PHC3: variants seen among roughly 807,000 people sequenced by gnomAD.
The protein encoded by PHC3 is polyhomeotic homolog 3.
Under a neutral mutation model 107.4 loss-of-function variants are expected in PHC3, and 13 were observed. The observed-to-expected ratio is 0.12, with a 90% confidence interval of 0.08 to 0.19. The LOEUF is 0.19. PHC3 is among the 10% of genes least tolerant of loss of function. The probability of loss-of-function intolerance (pLI) is 1.00; values close to 1 mark genes in which losing one functional copy is unlikely to be tolerated. For missense variants in PHC3, 992 were observed against 1,210.9 expected, an observed-to-expected ratio of 0.82 and a Z score of 2.68; for synonymous variants, 456 against 427.4, an observed-to-expected ratio of 1.07 and a Z score of -0.83.
rs1731483477 is a variant in PHC3, at chr3:170,181,725, T to C, written c.-10A>G. 1 of 1,612,690 alleles carries C rather than the reference T, an allele frequency of 6.2e-7. No homozygotes were observed. ...ACTCCGCTTCCGCCATCTTCTCTCC[T>C]CCATCACTAACATGGGCTGCGCATG... On this transcript the variant is annotated 5_prime_UTR_variant, in exon 1 of 15. Coordinates refer to ENST00000495893, the MANE Select transcript of PHC3 (RefSeq NM_024947.4).
intron 12 of PHC3, among the ~76,000 whole-genome samples, chr3:170,105,591 G>GT (rs1387004274): frequency 6.6e-6 from 1 of 152,074 alleles, no homozygotes; most frequent in African/African-American, 2.4e-5. Context: ...CATATAATCT[G>GT]TAACGATCAA....
chr3:170,131,369 T>C (rs988862126), intron 7 of PHC3, among the ~76,000 whole-genome samples: 2 of 152,194 alleles, frequency 1.3e-5, no homozygotes, highest in Admixed American at 6.5e-5. Context: ...GTGTCTCTCA[T>C]TCATACTTAC....
intron 7 of PHC3, among the ~76,000 whole-genome samples, chr3:170,130,339 G>A (rs193263089): frequency 5.9e-5 from 9 of 152,068 alleles, no homozygotes; most frequent in Admixed American, 5.2e-4. Flanking sequence ...CAACTAATAG[G>A]GTAATTACTT....
At chr3:170,128,200 T>C (rs1721667344) in intron 8 of PHC3, 1 of 239,282 alleles carries the variant, frequency 4.2e-6, no homozygotes, top group Non-Finnish European at 7.4e-6. Flanking sequence ...CTACATCATA[T>C]AAGCATATCT....
chr3:170,111,305 G>A (rs201441032), intron 11 of PHC3, among the ~76,000 whole-genome samples: 1 of 95,420 alleles, frequency 1.0e-5, no homozygotes, highest in Non-Finnish European at 2.2e-5. Flanking sequence ...AAGGAAGGAA[G>A]GAAGGAAGGA....
At chr3:170,164,575 C>T (rs1728432083) in intron 4 of PHC3, among the ~76,000 whole-genome samples, 1 of 152,070 alleles carries the variant, frequency 6.6e-6, no homozygotes, top group African/African-American at 2.4e-5. Flanking sequence ...ACTAAAAACT[C>T]TTATGTTACA....
intron 10 of PHC3, among the ~76,000 whole-genome samples, chr3:170,114,838 A>C (rs1055652091): frequency 5.9e-5 from 9 of 152,238 alleles, no homozygotes; most frequent in African/African-American, 2.2e-4. Flanking sequence ...TATTGGACAG[A>C]AACTTCTACA....
At chr3:170,107,549 G>A (rs1318120898) in intron 11 of PHC3, among the ~76,000 whole-genome samples, 1 of 152,130 alleles carries the variant, frequency 6.6e-6, no homozygotes, top group Non-Finnish European at 1.5e-5. Flanking sequence ...TTTGAGACCA[G>A]TGTGGGCAGC....
intron 5 of PHC3, among the ~76,000 whole-genome samples, chr3:170,146,877 C>CTTTTTTTTTTTTTTT (rs1035803336): frequency 4.1e-5 from 4 of 97,996 alleles, no homozygotes; most frequent in East Asian, 3.0e-4. Flanking sequence ...TCTATTTTTT[C>CTTTTTTTTTTTTTTT]TTTTTTTTTT....
intron 4 of PHC3, among the ~76,000 whole-genome samples, chr3:170,160,483 A>G (rs932864395): frequency 5.9e-5 from 9 of 152,234 alleles, no homozygotes; most frequent in East Asian, 1.9e-4. Context: ...GACAATACAC[A>G]TATTTGCTAT....
chr3:170,098,009 C>T (rs374996782), intron 14 of PHC3, among the ~76,000 whole-genome samples: 22 of 152,286 alleles, frequency 1.4e-4, no homozygotes, highest in African/African-American at 5.1e-4. Context: ...CTTGACTTGA[C>T]TATCACTGGG....
chr3:170,149,387 C>T lies in PHC3; in HGVS notation c.415-143G>A, dbSNP rs1050544881. 7.6e-6 allele frequency: 5 copies of T among 657,790 alleles called. No individual in the cohort carries two copies. In the South Asian group the frequency reaches 1.0e-4, roughly 14 times the overall value. 40.7% of individuals were successfully genotyped at this position (657,790 alleles called of 1,614,324 possible). A position where few individuals can be genotyped will look rare whatever the true frequency, so the allele number is the denominator to read the frequency against. On this transcript the variant is annotated intron_variant, in intron 4 of 14. Transcript: ENST00000495893. ...GGAGAAGCCTTTATCTTTGACAGAC[C>T]CCCTCATTTCTTTGGGCAGTTATTT...
intron 4 of PHC3, among the ~76,000 whole-genome samples, chr3:170,154,756 G>A (rs1167523066): frequency 6.6e-6 from 1 of 152,186 alleles, no homozygotes; most frequent in Non-Finnish European, 1.5e-5. Flanking sequence ...TTCAAAAGCA[G>A]CTATCTACTA....
At position 170,091,732 on chromosome 3, in the gene PHC3, T is replaced by C. The variant is rs1342960205; in HGVS notation, c.*5498A>G. The C allele has an allele frequency of 6.6e-6, 1 of 152,012 alleles. No individual in the cohort carries two copies. Among genetic ancestry groups the C allele is most frequent in the Non-Finnish European group, 1.5e-5 (1 of 68,010 alleles). 9.4% of individuals were successfully genotyped at this position (152,012 alleles called of 1,614,324 possible). A position where few individuals can be genotyped will look rare whatever the true frequency, so the allele number is the denominator to read the frequency against. ...AAAAGCCATATTCTCTGGAATGTGA[T>C]GGTAATAATTATATTTGTATTATTT... On this transcript the variant is annotated 3_prime_UTR_variant, in exon 15 of 15. Coordinates refer to ENST00000495893, the MANE Select transcript of PHC3 (RefSeq NM_024947.4).
chr3:170,136,122 AG>A (rs1242256563), intron 7 of PHC3, among the ~76,000 whole-genome samples: 1 of 152,220 alleles, frequency 6.6e-6, no homozygotes, highest in Non-Finnish European at 1.5e-5. Flanking sequence ...AATAAACTAC[AG>A]GCAAATCTTT....
chr3:170,173,859 G>A (rs1729998248), intron 2 of PHC3, among the ~76,000 whole-genome samples: 1 of 152,170 alleles, frequency 6.6e-6, no homozygotes, highest in African/African-American at 2.4e-5. Flanking sequence ...ATAGATGTCT[G>A]AAAATCTTAC....
intron 5 of PHC3, 119 bp downstream of exon 5, chr3:170,148,967 C>A: frequency 9.6e-7 from 1 of 1,041,422 alleles, no homozygotes; most frequent in Non-Finnish European, 1.4e-6. Context: ...CCCGCATGCA[C>A]ACACACACAA....
chr3:170,103,727 C>A (rs879808532), intron 12 of PHC3, among the ~76,000 whole-genome samples: 1 of 152,228 alleles, frequency 6.6e-6, no homozygotes, highest in Non-Finnish European at 1.5e-5. Context: ...CAACTACCCA[C>A]CTCTGCCACT....
chr3:170,180,763 C>T (rs1731260576), intron 1 of PHC3, among the ~76,000 whole-genome samples: 2 of 152,112 alleles, frequency 1.3e-5, no homozygotes, highest in South Asian at 4.1e-4. Flanking sequence ...TTAATCTGCT[C>T]AACTATGCCC....
Sources: gnomAD v4.1 joint callset for allele counts (sites outside exome capture counted in the v4.1 genomes callset) on GRCh38, gnomAD v4.1.1 for gene constraint, MANE v1.5 for transcripts, NCBI Gene and HGNC (gene_info 2026-07-23, HGNC 2026-07-21) for gene names.